The following ABCC4 variants were observed in gnomAD, a reference collection of about 807,000 sequenced individuals.
ABCC4 encodes ATP binding cassette subfamily C member 4 (PEL blood group), also known as ATP-binding cassette sub-family C member 4.
In ABCC4, 102 loss-of-function variants were observed where a neutral mutation model predicts 168.5. The observed-to-expected ratio is 0.61, with a 90% CI of 0.52 to 0.71. The LOEUF (loss-of-function observed/expected upper bound fraction) is 0.71, where lower values mean the gene tolerates loss of function less well. Among genes scored for constraint, ABCC4 ranks in the 30% least tolerant of loss-of-function variants. The probability of loss-of-function intolerance (pLI) is 0.00; values close to 1 mark genes in which losing one functional copy is unlikely to be tolerated. For synonymous variants in ABCC4, 617 were observed against 590.7 expected, an observed-to-expected ratio of 1.04 and a Z score of -0.65; for missense variants, 1,402 against 1,605.8, an observed-to-expected ratio of 0.87 and a Z score of 2.17.
chr13:95,147,275 T>C (rs2036530623), intron 19 of ABCC4, among the ~76,000 whole-genome samples: 1 of 152,218 alleles, frequency 6.6e-6, no homozygotes. Context: ...TTTTAATTGT[T>C]AGTTTATTAA....
chr13:95,049,029 T>C (rs2032712636), intron 27 of ABCC4, among the ~76,000 whole-genome samples: 2 of 152,188 alleles, frequency 1.3e-5, no homozygotes, highest in African/African-American at 4.8e-5. Flanking sequence ...CTTTCAGCAT[T>C]AGAAAAGAAA....
At chr13:95,228,323 A>C (rs796227653) in intron 4 of ABCC4, among the ~76,000 whole-genome samples, 1 of 152,166 alleles carries the variant, frequency 6.6e-6, no homozygotes, top group Non-Finnish European at 1.5e-5. Context: ...ATAGGGCGGC[A>C]GACATGACTT....
chr13:95,155,131 AC>A (rs1246596440), intron 19 of ABCC4, among the ~76,000 whole-genome samples: 1 of 152,122 alleles, frequency 6.6e-6, no homozygotes, highest in Non-Finnish European at 1.5e-5. Flanking sequence ...AATAGTTCAA[AC>A]CACTACCACC....
intron 25 of ABCC4, among the ~76,000 whole-genome samples, chr13:95,068,073 G>C (rs2033607426): frequency 6.6e-6 from 1 of 152,160 alleles, no homozygotes; most frequent in African/African-American, 2.4e-5. Flanking sequence ...CAGGAAATCT[G>C]AGCAGATGAA....
intron 25 of ABCC4, among the ~76,000 whole-genome samples, chr13:95,069,244 T>A (rs2033646805): frequency 1.3e-5 from 2 of 152,228 alleles, no homozygotes; most frequent in South Asian, 4.1e-4. Context: ...TATGTGCATA[T>A]CCCTCACTCT....
intron 1 of ABCC4, among the ~76,000 whole-genome samples, chr13:95,276,521 A>G (rs974686682): frequency 6.7e-6 from 1 of 149,610 alleles, no homozygotes; most frequent in Non-Finnish European, 1.5e-5. Context: ...AAAAAAAAAG[A>G]AAAAAAGAAA....
chr13:95,242,776 C>G (rs10508020), intron 3 of ABCC4, among the ~76,000 whole-genome samples: 15,224 of 152,202 alleles, frequency 0.1, 1,896 homozygotes, highest in African/African-American at 0.29. Flanking sequence ...GAAATTATTT[C>G]TCTCCAACTT....
chr13:95,117,375 G>C (rs1188026136), intron 19 of ABCC4, among the ~76,000 whole-genome samples: 2 of 152,184 alleles, frequency 1.3e-5, no homozygotes, highest in Non-Finnish European at 2.9e-5. Flanking sequence ...ATGCCACCGG[G>C]GAGGAAGCTC....
At chr13:95,140,892 C>G (rs1267869270) in intron 19 of ABCC4, among the ~76,000 whole-genome samples, 3 of 152,210 alleles carry the variant, frequency 2.0e-5, no homozygotes, top group African/African-American at 7.2e-5. Context: ...ATTGCACAAG[C>G]TTTTCATGCC....
At chr13:95,253,866 C>T (rs969017155) in intron 1 of ABCC4, among the ~76,000 whole-genome samples, 2 of 151,920 alleles carry the variant, frequency 1.3e-5, no homozygotes, top group African/African-American at 4.8e-5. Context: ...GTGGGCAATA[C>T]TCTCATGCAA....
chr13:95,022,607 A>G (rs2031155858), intron 30 of ABCC4, among the ~76,000 whole-genome samples: 1 of 152,182 alleles, frequency 6.6e-6, no homozygotes. Context: ...CCCAAAGAAG[A>G]ATGTGAAAAG....
intron 20 of ABCC4, among the ~76,000 whole-genome samples, chr13:95,095,196 CAT>C (rs562919540): frequency 1.2e-4 from 19 of 152,306 alleles, no homozygotes; most frequent in East Asian, 3.9e-4. Context: ...CTTGCACACA[CAT>C]GTTTATAGCA....
intron 29 of ABCC4, 87 bp from the exon 30 acceptor site, chr13:95,034,826 G>T: frequency 6.4e-7 from 1 of 1,573,714 alleles, no homozygotes; most frequent in East Asian, 2.2e-5. Flanking sequence ...AAAGGGGCAG[G>T]AGAGGGAGAG....
At chr13:95,172,805 A>T (rs1167862619) in intron 13 of ABCC4, among the ~76,000 whole-genome samples, 1 of 151,592 alleles carries the variant, frequency 6.6e-6, no homozygotes. Flanking sequence ...GGTGGTGTGC[A>T]CTTGTAGTCC....
intron 1 of ABCC4, among the ~76,000 whole-genome samples, chr13:95,251,688 C>T (rs2040265442): frequency 6.6e-6 from 1 of 152,164 alleles, no homozygotes; most frequent in Non-Finnish European, 1.5e-5. Flanking sequence ...TGTGCTCAGA[C>T]CTGCAGACAG....
intron 20 of ABCC4, among the ~76,000 whole-genome samples, chr13:95,097,633 C>T (rs1289763237): frequency 1.5e-5 from 2 of 132,516 alleles, no homozygotes; most frequent in African/African-American, 2.9e-5. Flanking sequence ...CACAGGGGAC[C>T]GTTACCAAAG....
chr13:95,194,040 C>T (rs546250895), intron 9 of ABCC4, among the ~76,000 whole-genome samples: 29 of 152,264 alleles, frequency 1.9e-4, no homozygotes, highest in East Asian at 3.9e-4. Flanking sequence ...ATAGTAGTGG[C>T]GTCTATGAGC....
chr13:95,162,269 G>C (rs2037122168), intron 18 of ABCC4, among the ~76,000 whole-genome samples: 1 of 152,154 alleles, frequency 6.6e-6, no homozygotes, highest in Non-Finnish European at 1.5e-5. Flanking sequence ...AACAGATTTA[G>C]ATTTCTTAGC....
intron 20 of ABCC4, among the ~76,000 whole-genome samples, chr13:95,115,125 AAAC>A (rs1469343714): frequency 6.6e-6 from 1 of 152,180 alleles, no homozygotes; most frequent in African/African-American, 2.4e-5. Flanking sequence ...AGACAAAATT[AAAC>A]AATAGGAAAA....
Sources: gnomAD v4.1 joint callset for allele counts (sites outside exome capture counted in the v4.1 genomes callset) on GRCh38, gnomAD v4.1.1 for gene constraint, MANE v1.5 for transcripts, NCBI Gene and HGNC (gene_info 2026-07-23, HGNC 2026-07-21) for gene names.